The following PRKCH variants were observed in gnomAD, a reference collection of about 807,000 sequenced individuals.
PRKCH encodes protein kinase C eta, also known as protein kinase C eta type.
PRKCH carries 28 observed loss-of-function variants against 82.5 expected under a neutral mutation model. The ratio of observed to expected loss-of-function variants is 0.34; its 90% CI spans 0.25 to 0.47. The LOEUF (loss-of-function observed/expected upper bound fraction) is 0.47. Among genes scored for constraint, PRKCH ranks in the 20% least tolerant of loss-of-function variants. The pLI, the probability that PRKCH is intolerant of heterozygous loss-of-function variation, is 1.00. For missense variants in PRKCH, 705 were observed against 881.8 expected, an observed-to-expected ratio of 0.80 and a Z score of 2.54; for synonymous variants, 322 against 327.4, an observed-to-expected ratio of 0.98 and a Z score of 0.18.
At chr14:61,223,582 T>C (rs1412529111) in intron 1 of PRKCH, among the ~76,000 whole-genome samples, 1 of 152,224 alleles carries the variant, frequency 6.6e-6, no homozygotes, top group Non-Finnish European at 1.5e-5. Context: ...GATCTTTCTT[T>C]TCCCACACTC....
At chr14:61,352,829 A>G (rs535938026) in intron 1 of PRKCH, among the ~76,000 whole-genome samples, 1 of 152,350 alleles carries the variant, frequency 6.6e-6, no homozygotes, top group East Asian at 1.9e-4. Flanking sequence ...GAATGATAAT[A>G]GTATCAGTAT....
intron 2 of PRKCH, among the ~76,000 whole-genome samples, chr14:61,441,447 T>C (rs995391787): frequency 6.6e-6 from 1 of 152,178 alleles, no homozygotes; most frequent in African/African-American, 2.4e-5. Context: ...AAGGACACTT[T>C]AGCAATCCTT....
chr14:61,213,425 T>A (rs1245786550), intron 1 of PRKCH, among the ~76,000 whole-genome samples: 7 of 152,142 alleles, frequency 4.6e-5, no homozygotes, highest in Non-Finnish European at 8.8e-5. Flanking sequence ...AACTTCACAC[T>A]CTCCCAATCC....
intron 10 of PRKCH, among the ~76,000 whole-genome samples, chr14:61,514,170 C>T (rs2139979666): frequency 6.6e-6 from 1 of 152,154 alleles, no homozygotes; most frequent in South Asian, 2.1e-4. Context: ...CAGCCTGCTG[C>T]CCAACCTGGC....
chr14:61,349,556 G>A (rs964151461), intron 1 of PRKCH, among the ~76,000 whole-genome samples: 1 of 152,114 alleles, frequency 6.6e-6, no homozygotes, highest in African/African-American at 2.4e-5. Context: ...TAGGAAATGG[G>A]GAGGAATGCT....
chr14:61,286,930 G>T (rs935842222), intron 1 of PRKCH, among the ~76,000 whole-genome samples: 26 of 151,570 alleles, frequency 1.7e-4, no homozygotes, highest in Non-Finnish European at 1.8e-4. Context: ...AGTTGGCAGG[G>T]TGCAATGGAT....
At chr14:61,526,930 G>A (rs1325769615) in intron 10 of PRKCH, among the ~76,000 whole-genome samples, 2 of 152,204 alleles carry the variant, frequency 1.3e-5, no homozygotes, top group Admixed American at 6.5e-5. Context: ...TGAGCATATT[G>A]TTCCTTTAAA....
chr14:61,197,052 C>T (rs1367335090), intron 1 of PRKCH, among the ~76,000 whole-genome samples: 5 of 152,056 alleles, frequency 3.3e-5, no homozygotes, highest in Non-Finnish European at 7.4e-5. Flanking sequence ...CTTGCTCAGC[C>T]GTCTCACTTC....
At chr14:61,286,131 G>A (rs560744856) in intron 1 of PRKCH, among the ~76,000 whole-genome samples, 76 of 152,294 alleles carry the variant, frequency 5.0e-4, no homozygotes, top group African/African-American at 1.7e-3. Flanking sequence ...AACAGAACCT[G>A]GGTTTTTAAT....
intron 9 of PRKCH, among the ~76,000 whole-genome samples, chr14:61,459,696 A>G (rs1288159517): frequency 3.3e-5 from 5 of 152,212 alleles, no homozygotes; most frequent in African/African-American, 1.2e-4. Flanking sequence ...CTTTCTCCGA[A>G]AGAAACAAGT....
intron 9 of PRKCH, among the ~76,000 whole-genome samples, chr14:61,481,537 C>A (rs1410608480): frequency 6.6e-6 from 1 of 152,230 alleles, no homozygotes; most frequent in African/African-American, 2.4e-5. Context: ...CTGTGTCTTT[C>A]CCATGTCTTA....
intron 10 of PRKCH, among the ~76,000 whole-genome samples, chr14:61,523,065 G>A (rs2042925136): frequency 6.6e-6 from 1 of 152,180 alleles, no homozygotes; most frequent in Non-Finnish European, 1.5e-5. Flanking sequence ...CTAAAATTAA[G>A]ACCATAACCC....
intron 1 of PRKCH, among the ~76,000 whole-genome samples, chr14:61,226,362 G>A (rs1241257346): frequency 1.3e-5 from 2 of 152,086 alleles, no homozygotes; most frequent in Non-Finnish European, 2.9e-5. Context: ...TTATTCCTTG[G>A]CCACACCTTC....
intron 2 of PRKCH, among the ~76,000 whole-genome samples, chr14:61,417,121 A>G (rs1358743973): frequency 6.6e-6 from 1 of 152,154 alleles, no homozygotes; most frequent in Non-Finnish European, 1.5e-5. Context: ...AGTATCCTTC[A>G]TACTTGAAGA....
intron 1 of PRKCH, among the ~76,000 whole-genome samples, chr14:61,363,595 A>T (rs944410845): frequency 6.6e-6 from 1 of 152,090 alleles, no homozygotes; most frequent in Non-Finnish European, 1.5e-5. Context: ...AAGGTAATAT[A>T]CTGATTTTAA....
chr14:61,295,787 C>T (rs952852107), intron 1 of PRKCH, among the ~76,000 whole-genome samples: 1 of 152,190 alleles, frequency 6.6e-6, no homozygotes, highest in Admixed American at 6.5e-5. Context: ...ACTGTTGCTG[C>T]CCATTTGTGG....
intron 1 of PRKCH, among the ~76,000 whole-genome samples, chr14:61,356,000 G>A (rs1429517415): frequency 6.6e-6 from 1 of 152,182 alleles, no homozygotes; most frequent in East Asian, 1.9e-4. Context: ...ACAGCCTGCC[G>A]AGGAGGGTAG....
intron 1 of PRKCH, among the ~76,000 whole-genome samples, chr14:61,197,628 A>G (rs2140036374): frequency 6.6e-6 from 1 of 152,274 alleles, no homozygotes; most frequent in African/African-American, 2.4e-5. Context: ...CCATTCATCC[A>G]TGAATGAATT....
chr14:61,501,396 T>C (rs1455792314), intron 10 of PRKCH, among the ~76,000 whole-genome samples: 1 of 151,852 alleles, frequency 6.6e-6, no homozygotes, highest in Non-Finnish European at 1.5e-5. Context: ...TTGTCCCTGA[T>C]AGACAAATAA....
Sources: gnomAD v4.1 joint callset for allele counts (sites outside exome capture counted in the v4.1 genomes callset) on GRCh38, gnomAD v4.1.1 for gene constraint, MANE v1.5 for transcripts, NCBI Gene and HGNC (gene_info 2026-07-23, HGNC 2026-07-21) for gene names.